Variants in KCNQ1 observed in about 807,000 individuals in gnomAD.
The protein encoded by KCNQ1 is potassium voltage-gated channel subfamily KQT member 1.
In KCNQ1, 49 loss-of-function variants were observed where a neutral mutation model predicts 72.4. The ratio of observed to expected loss-of-function variants is 0.68; its 90% CI spans 0.54 to 0.86. KCNQ1 has a LOEUF of 0.86. KCNQ1 is among the 40% of genes least tolerant of loss of function. KCNQ1 has a pLI of 0.00. For missense variants in KCNQ1, 790 were observed against 945.1 expected (o/e 0.84, Z 2.15); for synonymous variants, 450 against 412.6 (o/e 1.09, Z -1.10).
intron 11 of KCNQ1, among the ~76,000 whole-genome samples, chr11:2,740,814 C>T (rs943350514): frequency 6.6e-6 from 1 of 152,210 alleles, no homozygotes; most frequent in Admixed American, 6.5e-5. Flanking sequence ...TGTGCGTCCC[C>T]TGCGGCCACG....
At chr11:2,684,997 C>T in intron 11 of KCNQ1, 2 of 398,666 alleles carry the variant, frequency 5.0e-6, no homozygotes, top group South Asian at 2.5e-4. Context: ...GGTTGCTTTT[C>T]ATTCATATCT....
chr11:2,608,632 C>CA lies in KCNQ1; in HGVS notation c.1393+19784dup, dbSNP rs569990414. The CA allele has an allele frequency of 9.8e-4, 390 of 398,468 alleles. 2 individuals carry two copies. The highest frequency in any genetic ancestry group is 6.0e-3 in the African/African-American group (292 of 48,674). The allele number at this position is 398,468 out of a possible 1,614,324, so 24.7% of individuals were successfully genotyped here. A position where few individuals can be genotyped will look rare whatever the true frequency, so the allele number is the denominator to read the frequency against. ...GTGCACCACAACACCAGCTGTTATTCAAAAAATATTTTGTAGAGATAGGGT... is the reference window on the plus strand; with the variant it reads ...GTGCACCACAACACCAGCTGTTATTCAAAAAAATATTTTGTAGAGATAGGGT... On this transcript the variant is annotated intron_variant, in intron 10 of 15. Coordinates refer to ENST00000155840, the MANE Select transcript of KCNQ1 (RefSeq NM_000218.3). This position sits in a 1 kb window ranked among gnomAD's most constrained non-coding sequence, Gnocchi z 4.6.
intron 11 of KCNQ1, chr11:2,684,657 C>T (rs1394041825): frequency 2.5e-6 from 1 of 398,632 alleles, no homozygotes; most frequent in Admixed American, 4.4e-5. Context: ...GAAAGAAAGG[C>T]TTGTTGGATG....
chr11:2,794,039 G>A (rs578030297), intron 15 of KCNQ1, among the ~76,000 whole-genome samples: 5 of 152,316 alleles, frequency 3.3e-5, no homozygotes, highest in African/African-American at 7.2e-5. Flanking sequence ...ATCCTCCTGA[G>A]GCCATGAGAG....
intron 11 of KCNQ1, chr11:2,680,616 G>GTA (rs1469951734): frequency 4.5e-5 from 18 of 398,308 alleles, no homozygotes; most frequent in African/African-American, 3.5e-4. Context: ...TTGCAAAACT[G>GTA]TAGTACAATA....
intron 1 of KCNQ1, among the ~76,000 whole-genome samples, chr11:2,476,596 A>G (rs924317270): frequency 1.3e-5 from 2 of 152,202 alleles, no homozygotes; most frequent in Non-Finnish European, 2.9e-5. Context: ...TGAGGAAAAC[A>G]ATATATATCT....
Position 2,477,870 on chromosome 11 carries a change from C to T in KCNQ1, c.386+32386C>T, listed in dbSNP as rs949539902. On this transcript the variant is annotated intron_variant, in intron 1 of 15. Transcript: ENST00000155840. The surrounding 1 kb of genome is among the most constrained non-coding windows in gnomAD (Gnocchi z 5.0). ...AACAAATAAGTGGAAGAAAGGAATC[C>T]AGTTCTCACGTTAGAATCAACAGGG... Among the ~76,000 whole-genome samples, 2 of 152,116 alleles carry T rather than the reference C, an allele frequency of 1.3e-5. No homozygotes were observed. Among genetic ancestry groups the T allele is most frequent in the Admixed American group, 6.5e-5 (1 of 15,274 alleles).
chr11:2,758,795 C>G (rs890671141), intron 11 of KCNQ1, among the ~76,000 whole-genome samples: 15 of 152,144 alleles, frequency 9.9e-5, no homozygotes, highest in South Asian at 2.1e-4. Context: ...AAGCCTCCCC[C>G]GAAAGGTCGC....
At chr11:2,560,984 C>T (rs1033433242) in intron 2 of KCNQ1, among the ~76,000 whole-genome samples, 2 of 151,846 alleles carry the variant, frequency 1.3e-5, no homozygotes, top group Non-Finnish European at 2.9e-5. Flanking sequence ...GGGCGGATCA[C>T]GAGGTCAGGA....
intron 2 of KCNQ1, among the ~76,000 whole-genome samples, chr11:2,530,253 T>C (rs771493744): frequency 6.6e-6 from 1 of 152,218 alleles, no homozygotes; most frequent in Non-Finnish European, 1.5e-5. Flanking sequence ...GACCTGGCTC[T>C]CAGATGAGCA....
rs1347171096 is a variant in KCNQ1, at chr11:2,661,148, C to T, written c.1394-813C>T. ...TGAGCAGAGAGGGTGGGCTAGGGAT[C>T]TAGTTGGCAGTTAACACTGATGACC... is the stretch of plus-strand genomic sequence containing the variant. On this transcript the variant is annotated intron_variant, in intron 10 of 15. Transcript: ENST00000155840. The surrounding 1 kb of genome is among the most constrained non-coding windows in gnomAD (Gnocchi z 5.9). The T allele has an allele frequency of 2.5e-6, 1 of 398,448 alleles. No individual in the cohort carries two copies. Among genetic ancestry groups the T allele is most frequent in the East Asian group, 3.6e-5 (1 of 28,090 alleles). 24.7% of individuals were successfully genotyped at this position (398,448 alleles called of 1,614,324 possible).
intron 15 of KCNQ1, among the ~76,000 whole-genome samples, chr11:2,792,097 C>T (rs1157593178): frequency 6.6e-6 from 1 of 152,188 alleles, no homozygotes; most frequent in Non-Finnish European, 1.5e-5. Flanking sequence ...TGGTCCGGCG[C>T]TTCCATTCAT....
In KCNQ1 at chr11:2,527,958, C is replaced by T. The variant is rs149143353; in HGVS notation, c.417C>T (p.Phe139=). ...VFLIVLVCLI[F]SVLSTIEQYA... is the part of the protein sequence containing the mutation. ...TCATCGTCCTGGTCTGCCTCATCTT[C>T]AGCGTGCTGTCCACCATCGAGCAGT... Residue 139 remains phenylalanine (F), a synonymous_variant, in exon 2 of 16, where the codon TTC becomes TTT. Transcript: ENST00000155840. 7 of 1,614,004 alleles carry T rather than the reference C, an allele frequency of 4.3e-6. No individual in the cohort carries two copies. Among genetic ancestry groups the T allele is most frequent in the Non-Finnish European group, 5.9e-6 (7 of 1,180,014 alleles).
intron 1 of KCNQ1, among the ~76,000 whole-genome samples, chr11:2,519,589 C>T (rs2133632067): frequency 6.6e-6 from 1 of 152,028 alleles, no homozygotes; most frequent in South Asian, 2.1e-4. Context: ...CACTGTCCTC[C>T]AGCCTGGGTG....
At chr11:2,590,425 A>G (rs972950990) in intron 10 of KCNQ1, among the ~76,000 whole-genome samples, 1 of 152,194 alleles carries the variant, frequency 6.6e-6, no homozygotes, top group African/African-American at 2.4e-5. Flanking sequence ...CCCTTGGAGG[A>G]AAAGGGCACC....
Position 2,752,491 on chromosome 11 carries a change from G to C in KCNQ1, c.1515-16353G>C, listed in dbSNP as rs1564881655. 6.6e-6 allele frequency among the ~76,000 whole-genome samples: 1 copy of C among 152,108 alleles called. No individual in the cohort carries two copies. The highest frequency in any genetic ancestry group is 1.5e-5 in the Non-Finnish European group (1 of 68,022). ...CCTTAGACCTGGTGATTCATACTTAGGAATTCATTGTTCTGGAGACTGGGA... is the reference window on the plus strand; with the variant it reads ...CCTTAGACCTGGTGATTCATACTTACGAATTCATTGTTCTGGAGACTGGGA... On this transcript the variant is annotated intron_variant, in intron 11 of 15. Coordinates refer to ENST00000155840, the MANE Select transcript of KCNQ1 (RefSeq NM_000218.3). This position sits in a 1 kb window ranked among gnomAD's most constrained non-coding sequence, Gnocchi z 5.2.
rs1163505034 is a variant in KCNQ1 at position 2,564,074 on chromosome 11, T to C, written c.478-6554T>C. Among the ~76,000 whole-genome samples, 1 of 152,218 alleles carries C rather than the reference T, an allele frequency of 6.6e-6. No homozygotes were observed. Among genetic ancestry groups the C allele is most frequent in the African/African-American group, 2.4e-5 (1 of 41,448 alleles). ...CACGGGCCAGGGCCCCTCGAGGCACTCATTTCAGTATCAGAGAACACACAT... is the reference window on the plus strand; with the variant it reads ...CACGGGCCAGGGCCCCTCGAGGCACCCATTTCAGTATCAGAGAACACACAT... On this transcript the variant is annotated intron_variant, in intron 2 of 15. Coordinates refer to ENST00000155840, the MANE Select transcript of KCNQ1 (RefSeq NM_000218.3). This position sits in a 1 kb window ranked among gnomAD's most constrained non-coding sequence, Gnocchi z 4.5.
intron 1 of KCNQ1, among the ~76,000 whole-genome samples, chr11:2,459,410 C>A (rs1350016345): frequency 1.3e-5 from 2 of 152,142 alleles, no homozygotes; most frequent in African/African-American, 4.8e-5. Context: ...TGTAGTTCCT[C>A]ACTGCAGGGC....
chr11:2,522,921 G>T (rs1847413934), intron 1 of KCNQ1, among the ~76,000 whole-genome samples: 1 of 152,212 alleles, frequency 6.6e-6, no homozygotes, highest in African/African-American at 2.4e-5. Context: ...CCACCCATGT[G>T]CAGTCTTCCC....
Sources: gnomAD v4.1 joint callset for allele counts (sites outside exome capture counted in the v4.1 genomes callset) on GRCh38, gnomAD v4.1.1 for gene constraint, Gnocchi (gnomAD v3.1) non-coding constraint, MANE v1.5 for transcripts, NCBI Gene and HGNC (gene_info 2026-07-23, HGNC 2026-07-21) for gene names.